The following NEBL variants were observed in gnomAD, a reference collection of about 807,000 sequenced individuals.
NEBL encodes nebulette.
Under a neutral mutation model 140.2 loss-of-function variants are expected in NEBL, and 122 were observed. The observed-to-expected ratio is 0.87, with a 90% CI of 0.75 to 1.01. The LOEUF (loss-of-function observed/expected upper bound fraction) is 1.01. NEBL is among the 50% of genes least tolerant of loss of function. The pLI is 0.00. For synonymous variants in NEBL, 436 were observed against 398.9 expected (o/e 1.09, Z -1.11); for missense variants, 1,365 against 1,231.3 (o/e 1.11, Z -1.62).
intron 26 of NEBL, among the ~76,000 whole-genome samples, chr10:20,806,710 G>A (rs1837649076): frequency 6.6e-6 from 1 of 152,184 alleles, no homozygotes; most frequent in South Asian, 2.1e-4. Context: ...TCACTGCTGT[G>A]TGCATTGCCA....
At chr10:21,109,687 G>A (rs1421363718) in intron 2 of NEBL, among the ~76,000 whole-genome samples, 1 of 152,076 alleles carries the variant, frequency 6.6e-6, no homozygotes, top group Non-Finnish European at 1.5e-5. Context: ...ACTTGTTGTT[G>A]GTCTATTCAG....
At chr10:20,871,010 G>A (rs1844871939) in intron 5 of NEBL, among the ~76,000 whole-genome samples, 1 of 152,170 alleles carries the variant, frequency 6.6e-6, no homozygotes, top group Non-Finnish European at 1.5e-5. Flanking sequence ...TTTGCCAGAT[G>A]TGGTTCTATT....
chr10:21,185,717 G>A (rs1293695904), intron 3 of NEBL, among the ~76,000 whole-genome samples: 5 of 151,752 alleles, frequency 3.3e-5, no homozygotes, highest in Non-Finnish European at 5.9e-5. Flanking sequence ...GGCTGGTCTC[G>A]AACTCCTGAC....
intron 3 of NEBL, among the ~76,000 whole-genome samples, chr10:21,018,084 AGT>A (rs1838631466): frequency 6.6e-6 from 1 of 152,128 alleles, no homozygotes; most frequent in Admixed American, 6.5e-5. Context: ...GGCCTCCCAA[AGT>A]GCTCGGATTA....
intron 7 of NEBL, among the ~76,000 whole-genome samples, chr10:20,862,253 T>C (rs1165216019): frequency 6.6e-6 from 1 of 152,328 alleles, no homozygotes; most frequent in Non-Finnish European, 1.5e-5. Flanking sequence ...ATAATAAGCA[T>C]TGTATTGTGA....
chr10:21,165,709 G>A (rs1164292984), intron 2 of NEBL, among the ~76,000 whole-genome samples: 1 of 152,174 alleles, frequency 6.6e-6, no homozygotes, highest in African/African-American at 2.4e-5. Context: ...TAAGCTCATG[G>A]TTCCTGCACA....
intron 20 of NEBL, chr10:20,819,111 A>G (rs1283120174): frequency 2.1e-6 from 2 of 972,688 alleles, no homozygotes; most frequent in African/African-American, 1.7e-5. Context: ...CAGGTTTGTT[A>G]CACAGGTGAA....
chr10:20,822,450 T>G (rs143471912), intron 19 of NEBL, among the ~76,000 whole-genome samples: 59 of 151,884 alleles, frequency 3.9e-4, no homozygotes, highest in African/African-American at 1.1e-3. Flanking sequence ...TAGGTATAGA[T>G]AAAAGAAATA....
chr10:20,890,737 T>C (rs1846960897), intron 2 of NEBL, among the ~76,000 whole-genome samples: 1 of 152,220 alleles, frequency 6.6e-6, no homozygotes, highest in Admixed American at 6.5e-5. Context: ...AGAATTGTTA[T>C]GCCGGGGGAA....
chr10:20,823,427 G>A, intron 18 of NEBL, 127 bp from the exon 19 acceptor site: 1 of 664,820 alleles, frequency 1.5e-6, no homozygotes, highest in Non-Finnish European at 2.5e-6. Flanking sequence ...TTCCTTCACT[G>A]GGGACATAAT....
intron 13 of NEBL, among the ~76,000 whole-genome samples, chr10:20,836,353 G>T (rs551722430): frequency 1.3e-5 from 2 of 152,078 alleles, no homozygotes. Context: ...CTCCCGAATA[G>T]CTGGGACTAC....
chr10:21,059,383 C>T (rs1835177383), intron 2 of NEBL, among the ~76,000 whole-genome samples: 1 of 152,100 alleles, frequency 6.6e-6, no homozygotes, highest in African/African-American at 2.4e-5. Flanking sequence ...TAACAAAATC[C>T]CAGAATACTA....
intron 26 of NEBL, among the ~76,000 whole-genome samples, chr10:20,796,627 C>T (rs1158310513): frequency 6.6e-6 from 1 of 152,046 alleles, no homozygotes; most frequent in Non-Finnish European, 1.5e-5. Context: ...AACTAGATAG[C>T]TTTAGATTTT....
At chr10:21,289,623 C>G (rs1843115460) in intron 1 of NEBL, among the ~76,000 whole-genome samples, 1 of 152,168 alleles carries the variant, frequency 6.6e-6, no homozygotes, top group Non-Finnish European at 1.5e-5. Context: ...CCAGAGCACC[C>G]AGCGTGTGTT....
At chr10:20,961,500 G>A (rs942213188) in intron 4 of NEBL, among the ~76,000 whole-genome samples, 1 of 152,160 alleles carries the variant, frequency 6.6e-6, no homozygotes, top group Non-Finnish European at 1.5e-5. Context: ...CTAGATAACT[G>A]TGATGGAACC....
chr10:20,831,187 A>G lies in NEBL; in HGVS notation c.1671+9T>C, dbSNP rs10491056. On this transcript the variant is annotated intron_variant, in intron 16 of 27. Coordinates refer to ENST00000377122, the MANE Select transcript of NEBL (RefSeq NM_006393.3). ...TACACGATTCTGAGCATCTTCATTC[A>G]TGACCAACCTGGCTATAGATTTCAG... 0.37 allele frequency: 585,249 copies of G among 1,590,794 alleles called. 112,061 individuals are homozygous for G. The highest frequency in any genetic ancestry group is 0.61 in the African/African-American group (45,546 of 74,368).
chr10:21,210,878 T>TA (rs1178431457), intron 3 of NEBL, among the ~76,000 whole-genome samples: 1 of 152,218 alleles, frequency 6.6e-6, no homozygotes, highest in African/African-American at 2.4e-5. Flanking sequence ...TGTAAGTCTT[T>TA]AAAAAACCTG....
At chr10:21,018,169 C>T (rs1289412929) in intron 3 of NEBL, among the ~76,000 whole-genome samples, 1 of 152,018 alleles carries the variant, frequency 6.6e-6, no homozygotes. Context: ...TATAGTCATT[C>T]CAAGGTGTGT....
At chr10:20,929,215 G>C (rs557814249) in intron 4 of NEBL, among the ~76,000 whole-genome samples, 4 of 151,976 alleles carry the variant, frequency 2.6e-5, no homozygotes, top group Admixed American at 2.6e-4. Flanking sequence ...ATCAACCTAA[G>C]TGTCCATCAA....
Sources: gnomAD v4.1 joint callset for allele counts (sites outside exome capture counted in the v4.1 genomes callset) on GRCh38, gnomAD v4.1.1 for gene constraint, MANE v1.5 for transcripts, NCBI Gene and HGNC (gene_info 2026-07-23, HGNC 2026-07-21) for gene names.